The following CLINT1 variants were observed in gnomAD, a reference collection of about 807,000 sequenced individuals.
CLINT1 encodes clathrin interacting protein localized in the trans-Golgi region.
A neutral mutation model predicts 70.4 loss-of-function variants in CLINT1; 15 were observed. The observed-to-expected ratio is 0.21, with a 90% CI of 0.14 to 0.33. CLINT1 has a LOEUF of 0.33. Ranked by LOEUF, CLINT1 falls within the 10% of genes least tolerant of loss-of-function variation. The pLI is 1.00. For synonymous variants in CLINT1, 227 were observed against 254.7 expected, an observed-to-expected ratio of 0.89 and a Z score of 1.04; for missense variants, 615 against 778.1, an observed-to-expected ratio of 0.79 and a Z score of 2.49.
chr5:157,817,402 T>C (rs1380313744), intron 2 of CLINT1, 41 bp downstream of exon 2: 1 of 1,252,370 alleles, frequency 8.0e-7, no homozygotes, highest in Non-Finnish European at 1.1e-6. Context: ...GTTAAGATGC[T>C]TTGATTTTTT....
At chr5:157,802,560 C>T (rs1762258890) in intron 8 of CLINT1, among the ~76,000 whole-genome samples, 3 of 144,070 alleles carry the variant, frequency 2.1e-5, no homozygotes, top group African/African-American at 5.2e-5. Context: ...TTTTTTTTTC[C>T]GAGATGGAGT....
chr5:157,814,264 C>T lies in CLINT1; in HGVS notation c.273G>A (p.Arg91=), dbSNP rs752791717. Residue 91 remains arginine, a synonymous_variant, in exon 4 of 12, where the codon AGG becomes AGA. Coordinates refer to ENST00000411809, the MANE Select transcript of CLINT1 (RefSeq NM_014666.4). ...TTGTAACAACACGCTCTGATCCATT[C>T]CTTATGAGGTAAGCTAGGAGCAGCA... The part of the protein sequence containing the change: ...KSLLLLAYLI[R]NGSERVVTSA... The T allele has an allele frequency of 6.2e-7, 1 of 1,610,412 alleles. No homozygotes were observed. Among genetic ancestry groups the T allele is most frequent in the South Asian group, 1.1e-5 (1 of 90,464 alleles).
intron 3 of CLINT1, among the ~76,000 whole-genome samples, chr5:157,814,804 G>A (rs3104697): frequency 0.4 from 61,318 of 151,746 alleles, 12,916 homozygotes; most frequent in East Asian, 0.61. Context: ...AGGCCGAGGT[G>A]GGCGGATCAC....
chr5:157,826,420 T>C (rs964916664), intron 1 of CLINT1, among the ~76,000 whole-genome samples: 23 of 152,184 alleles, frequency 1.5e-4, no homozygotes, highest in African/African-American at 5.3e-4. Flanking sequence ...TGTTCCTCTC[T>C]AAATATATGT....
At chr5:157,822,882 G>A (rs748472990) in intron 1 of CLINT1, among the ~76,000 whole-genome samples, 23 of 152,022 alleles carry the variant, frequency 1.5e-4, no homozygotes, top group Non-Finnish European at 3.2e-4. Context: ...AATATGCTTT[G>A]CTAAAACAAA....
At chr5:157,789,314 C>T in intron 11 of CLINT1, 49 bp downstream of exon 11, 1 of 1,531,256 alleles carries the variant, frequency 6.5e-7, no homozygotes, top group Non-Finnish European at 9.1e-7. Flanking sequence ...GGCATTAAGG[C>T]AAAAGACTGC....
chr5:157,841,794 G>A (rs917485948), intron 1 of CLINT1, among the ~76,000 whole-genome samples: 2 of 151,942 alleles, frequency 1.3e-5, no homozygotes, highest in East Asian at 1.9e-4. Context: ...TGTGAGCCTC[G>A]CTAATTTTAT....
intron 1 of CLINT1, among the ~76,000 whole-genome samples, chr5:157,825,138 C>G (rs2113242696): frequency 6.6e-6 from 1 of 152,204 alleles, no homozygotes; most frequent in South Asian, 2.1e-4. Context: ...TCTGCAATAA[C>G]AAGATTTCGG....
intron 1 of CLINT1, among the ~76,000 whole-genome samples, chr5:157,821,224 T>C (rs1762873069): frequency 6.6e-6 from 1 of 152,180 alleles, no homozygotes; most frequent in South Asian, 2.1e-4. Flanking sequence ...CAAAAAAATT[T>C]TCTGTATATT....
At chr5:157,830,881 A>T (rs911220898) in intron 1 of CLINT1, among the ~76,000 whole-genome samples, 2 of 150,974 alleles carry the variant, frequency 1.3e-5, no homozygotes, top group Non-Finnish European at 2.9e-5. Flanking sequence ...TCTAAAAATT[A>T]GCCAGGCGTG....
chr5:157,815,201 G>C (rs1762683558), intron 3 of CLINT1, among the ~76,000 whole-genome samples: 1 of 151,906 alleles, frequency 6.6e-6, no homozygotes, highest in Non-Finnish European at 1.5e-5. Context: ...TTAGGAGGTT[G>C]AGGCAGGAGG....
chr5:157,859,101 T>C lies in CLINT1; in HGVS notation c.-131A>G, dbSNP rs1167059875. The C allele has an allele frequency of 2.3e-5, 21 of 929,232 alleles. No individual in the cohort carries two copies. Among genetic ancestry groups the C allele is most frequent in the Admixed American group, 5.7e-5 (2 of 35,340 alleles). The allele number at this position is 929,232 out of a possible 1,614,324, so 57.6% of individuals were successfully genotyped here. The stretch of plus-strand genomic sequence containing the variant: ...GCCTCGAACTCCCCCAGTCAGCTCC[T>C]TCCTTTGCCACAGCAGCGGCGCCGC... On this transcript the variant is annotated 5_prime_UTR_variant, in exon 1 of 12. Coordinates refer to ENST00000411809, the MANE Select transcript of CLINT1 (RefSeq NM_014666.4).
chr5:157,787,920 A>T lies in CLINT1; in HGVS notation c.1604T>A (p.Leu535His), dbSNP rs752025740. 10 of 1,613,434 alleles carry T rather than the reference A, an allele frequency of 6.2e-6. No homozygotes were observed. Among genetic ancestry groups the T allele is most frequent in the Non-Finnish European group, 8.5e-6 (10 of 1,179,610 alleles). The stretch of plus-strand genomic sequence containing the variant: ...AGCATTAGTTTGGGGCCGGACAGGA[A>T]GCATGTTCGATGGAGAACTGAGGTT... ...AVNLSSPSNM[L>H]PVRPQTNALI... The change falls in exon 12 of 12, where the codon CTT becomes CAT. Residue 535 changes from leucine to histidine, a missense_variant. Coordinates refer to ENST00000411809, the MANE Select transcript of CLINT1 (RefSeq NM_014666.4).
chr5:157,812,854 G>A (rs573194452), intron 5 of CLINT1, among the ~76,000 whole-genome samples: 5 of 152,274 alleles, frequency 3.3e-5, no homozygotes, highest in African/African-American at 9.6e-5. Flanking sequence ...AGCCATTAAT[G>A]GTTAAAATCC....
chr5:157,831,002 C>A (rs957293012), intron 1 of CLINT1, among the ~76,000 whole-genome samples: 4 of 151,270 alleles, frequency 2.6e-5, no homozygotes, highest in Admixed American at 2.6e-4. Context: ...CATGATAGTG[C>A]CACTACACTC....
In CLINT1 at chr5:157,814,176, AT is replaced by A. The variant is rs766919177; in HGVS notation, c.352+8del. ...TTTAATTTGCTTATAAGGTTTTTCTATTGCTTACCTACAAAGTGGTAATTTT... is the reference window on the plus strand; with the variant it reads ...TTTAATTTGCTTATAAGGTTTTTCTATGCTTACCTACAAAGTGGTAATTTT... On this transcript the variant is annotated splice_region_variant and intron_variant, in intron 4 of 11. Transcript: ENST00000411809. 1 of 1,571,710 alleles carries A rather than the reference AT, an allele frequency of 6.4e-7. No individual in the cohort carries two copies. Among genetic ancestry groups the A allele is most frequent in the South Asian group, 1.1e-5 (1 of 87,730 alleles).
chr5:157,788,869 G>A (rs1178576857), intron 11 of CLINT1, among the ~76,000 whole-genome samples: 1 of 150,502 alleles, frequency 6.6e-6, no homozygotes, highest in Non-Finnish European at 1.5e-5. Context: ...TCGGAAGGCT[G>A]AGGCAAGGAA....
chr5:157,832,250 TG>T (rs1763270605), intron 1 of CLINT1, among the ~76,000 whole-genome samples: 1 of 152,360 alleles, frequency 6.6e-6, no homozygotes, highest in South Asian at 2.1e-4. Context: ...CCCAAAGTGC[TG>T]GGATTATAGG....
chr5:157,803,436 A>G (rs1199684480), intron 8 of CLINT1, among the ~76,000 whole-genome samples: 8 of 152,198 alleles, frequency 5.3e-5, no homozygotes, highest in Non-Finnish European at 4.4e-5. Flanking sequence ...GGTGGGTCAG[A>G]AAAAGGTATA....
Sources: allele counts gnomAD v4.1 joint callset (sites outside exome capture counted in the v4.1 genomes callset), GRCh38; gene constraint gnomAD v4.1.1; transcripts MANE v1.5; gene names NCBI Gene and HGNC (gene_info 2026-07-23, HGNC 2026-07-21).